The following DLG2 variants were observed in gnomAD, a reference collection of about 807,000 sequenced individuals.
DLG2 encodes the protein disks large homolog 2.
In DLG2, 45 loss-of-function variants were observed where a neutral mutation model predicts 132.5. That is an observed-to-expected ratio of 0.34 (90% CI 0.27 to 0.44). The LOEUF (loss-of-function observed/expected upper bound fraction) is 0.44. Among genes scored for constraint, DLG2 ranks in the 20% least tolerant of loss-of-function variants. The pLI, the probability that DLG2 is intolerant of heterozygous loss-of-function variation, is 1.00. For missense variants in DLG2, 1,045 were observed against 1,196.9 expected, an observed-to-expected ratio of 0.87 and a Z score of 1.87; for synonymous variants, 424 against 419.6, an observed-to-expected ratio of 1.01 and a Z score of -0.13.
At chr11:84,868,029 G>C (rs1032709592) in intron 6 of DLG2, among the ~76,000 whole-genome samples, 5 of 151,290 alleles carry the variant, frequency 3.3e-5, no homozygotes, top group Non-Finnish European at 7.4e-5. Flanking sequence ...AGCTGAGATC[G>C]CGCCACTGCA....
At chr11:83,933,098 C>A (rs1488605910) in intron 14 of DLG2, among the ~76,000 whole-genome samples, 3 of 152,238 alleles carry the variant, frequency 2.0e-5, no homozygotes, top group Non-Finnish European at 1.5e-5. Context: ...TGACCTCTGC[C>A]CATCAGACAA....
chr11:84,941,393 T>C (rs1566461135), intron 6 of DLG2, among the ~76,000 whole-genome samples: 1 of 152,222 alleles, frequency 6.6e-6, no homozygotes, highest in Non-Finnish European at 1.5e-5. Context: ...GATGTTTTTG[T>C]GTCCTCTTCA....
At chr11:83,982,996 C>G (rs1442473958) in intron 11 of DLG2, among the ~76,000 whole-genome samples, 1 of 152,084 alleles carries the variant, frequency 6.6e-6, no homozygotes, top group Non-Finnish European at 1.5e-5. Flanking sequence ...GTAGTCTATT[C>G]TATTTCAGTT....
At chr11:83,815,442 C>T (rs1012267264) in intron 17 of DLG2, among the ~76,000 whole-genome samples, 3 of 152,156 alleles carry the variant, frequency 2.0e-5, no homozygotes, top group African/African-American at 7.2e-5. Context: ...TGGATAGTTA[C>T]CATCACGTAA....
In DLG2 at chr11:85,262,137, G is replaced by A. The variant is rs141551241; in HGVS notation, c.186+23083C>T. ...CATTTAGAAGAGCTGCAACAGAAGAGGTCAAGCTACAGAACAGTGTTGGGG... is the reference window on the plus strand; with the variant it reads ...CATTTAGAAGAGCTGCAACAGAAGAAGTCAAGCTACAGAACAGTGTTGGGG... On this transcript the variant is annotated intron_variant, in intron 4 of 27. Transcript: ENST00000376104. Among the ~76,000 whole-genome samples, 628 of 152,266 alleles carry A rather than the reference G, an allele frequency of 4.1e-3. 17 individuals are homozygous for A. The highest frequency in any genetic ancestry group is 2.1e-3 in the East Asian group (11 of 5,182).
At chr11:84,716,499 T>C (rs1311671932) in intron 6 of DLG2, among the ~76,000 whole-genome samples, 1 of 152,052 alleles carries the variant, frequency 6.6e-6, no homozygotes. Context: ...AAATACTATA[T>C]AGGCTGGCCC....
At chr11:84,518,916 T>G (rs949585083) in intron 7 of DLG2, among the ~76,000 whole-genome samples, 4 of 152,118 alleles carry the variant, frequency 2.6e-5, no homozygotes, top group Non-Finnish European at 5.9e-5. Context: ...GTTCAGACAT[T>G]AATACTCAGA....
At chr11:84,488,525 C>T (rs891350139) in intron 7 of DLG2, among the ~76,000 whole-genome samples, 6 of 152,180 alleles carry the variant, frequency 3.9e-5, no homozygotes, top group African/African-American at 1.4e-4. Flanking sequence ...TTCCTTAGCC[C>T]TGAGATTTGT....
rs778691968 is a variant in DLG2, at chr11:84,534,651, G to A, written c.438C>T (p.Leu146=). Residue 146 remains leucine (L), a synonymous_variant, in exon 7 of 28, where the codon CTC becomes CTT. Transcript: ENST00000376104. The part of the protein sequence containing the change: ...RLTHEVRGPE[L]VHVSEKNLSQ... ...AGAGGTTCTTTTCTGATACATGCACGAGTTCTGGGCCTCTTACTTCGTGGG... is the reference window on the plus strand; with the variant it reads ...AGAGGTTCTTTTCTGATACATGCACAAGTTCTGGGCCTCTTACTTCGTGGG... The A allele has an allele frequency of 6.2e-6, 10 of 1,613,978 alleles. No homozygotes were observed. Among genetic ancestry groups the A allele is most frequent in the Middle Eastern group, 1.6e-4 (1 of 6,062 alleles).
intron 8 of DLG2, among the ~76,000 whole-genome samples, chr11:84,197,115 T>C (rs956144263): frequency 1.1e-4 from 17 of 151,742 alleles, no homozygotes; most frequent in Non-Finnish European, 2.4e-4. Context: ...TTCCAATATC[T>C]TTTTTAAATA....
chr11:83,950,683 T>C (rs2085198525), intron 14 of DLG2, among the ~76,000 whole-genome samples: 1 of 152,206 alleles, frequency 6.6e-6, no homozygotes, highest in South Asian at 2.1e-4. Flanking sequence ...ATGTAACTTT[T>C]ACAATATTGT....
At chr11:84,744,008 G>A (rs1201429304) in intron 6 of DLG2, among the ~76,000 whole-genome samples, 1 of 152,282 alleles carries the variant, frequency 6.6e-6, no homozygotes, top group East Asian at 1.9e-4. Context: ...ACAGGCATGA[G>A]CCACCGTGCC....
rs115253725 is a variant in DLG2 at position 85,140,468 on chromosome 11, A to G, written c.282+14088T>C. 1.9e-3 allele frequency among the ~76,000 whole-genome samples: 286 copies of G among 152,046 alleles called. 1 individual carries two copies. Among genetic ancestry groups the G allele is most frequent in the African/African-American group, 6.7e-3 (278 of 41,522 alleles). On this transcript the variant is annotated intron_variant, in intron 5 of 27. Transcript: ENST00000376104. ...AATTATGAGTACATGATAGTTATAT[A>G]TATTTATAGGGTACATGTGATGTTC... is the stretch of plus-strand genomic sequence containing the variant.
At chr11:83,926,008 G>T (rs944373210) in intron 15 of DLG2, among the ~76,000 whole-genome samples, 2 of 152,144 alleles carry the variant, frequency 1.3e-5, no homozygotes, top group African/African-American at 4.8e-5. Context: ...TCTTGCTTCT[G>T]CAAGCATTAA....
chr11:84,107,354 T>C (rs1015149939), intron 9 of DLG2, among the ~76,000 whole-genome samples: 1 of 152,088 alleles, frequency 6.6e-6, no homozygotes, highest in Non-Finnish European at 1.5e-5. Context: ...GTAGATAAAG[T>C]AGGAGACAAT....
At chr11:85,375,176 C>T (rs1162619419) in intron 3 of DLG2, among the ~76,000 whole-genome samples, 3 of 151,382 alleles carry the variant, frequency 2.0e-5, no homozygotes, top group Admixed American at 1.3e-4. Flanking sequence ...TGGATATAAA[C>T]ATCCTCATTT....
At chr11:84,892,784 C>CT (rs542533976) in intron 6 of DLG2, among the ~76,000 whole-genome samples, 211 of 152,186 alleles carry the variant, frequency 1.4e-3, no homozygotes, top group Middle Eastern at 3.4e-3. Context: ...CACCAATTCA[C>CT]TTTTCAAAAT....
intron 6 of DLG2, among the ~76,000 whole-genome samples, chr11:85,105,996 A>G (rs1203403505): frequency 1.2e-4 from 2 of 17,212 alleles, no homozygotes; most frequent in African/African-American, 1.5e-3. Flanking sequence ...CAAAAAAAGA[A>G]AAAAAAAAAA....
At chr11:83,803,049 G>A (rs1204276905) in intron 17 of DLG2, among the ~76,000 whole-genome samples, 1 of 152,126 alleles carries the variant, frequency 6.6e-6, no homozygotes, top group African/African-American at 2.4e-5. Context: ...TGTTACCTTA[G>A]CAATAAAAGG....
Sources: allele counts gnomAD v4.1 joint callset (sites outside exome capture counted in the v4.1 genomes callset), GRCh38; gene constraint gnomAD v4.1.1; transcripts MANE v1.5; gene names NCBI Gene and HGNC (gene_info 2026-07-23, HGNC 2026-07-21).